Variants in PCSK6 observed in about 807,000 individuals in gnomAD.
PCSK6 encodes paired basic amino acid cleaving enzyme 4.
Under a neutral mutation model 123.3 loss-of-function variants are expected in PCSK6, and 85 were observed. The ratio of observed to expected loss-of-function variants is 0.69; its 90% confidence interval spans 0.58 to 0.83. The LOEUF is 0.83. Among genes scored for constraint, PCSK6 ranks in the 40% least tolerant of loss-of-function variants. The pLI is 0.00. For missense variants in PCSK6, 1,191 were observed against 1,282.3 expected, an observed-to-expected ratio of 0.93 and a Z score of 1.09; for synonymous variants, 508 against 516.0, an observed-to-expected ratio of 0.98 and a Z score of 0.21.
At chr15:101,464,701 C>T (rs1051459044) in intron 1 of PCSK6, among the ~76,000 whole-genome samples, 2 of 152,176 alleles carry the variant, frequency 1.3e-5, no homozygotes, top group Non-Finnish European at 2.9e-5. Context: ...TACTGCGTGA[C>T]ACCCTGTTAA....
At chr15:101,402,320 G>A (rs2141588038) in intron 6 of PCSK6, among the ~76,000 whole-genome samples, 1 of 148,320 alleles carries the variant, frequency 6.7e-6, no homozygotes, top group South Asian at 2.2e-4. Context: ...AAAAACCCTA[G>A]AAGAAAACCT....
intron 1 of PCSK6, among the ~76,000 whole-genome samples, chr15:101,470,993 G>A (rs1362497998): frequency 6.6e-6 from 1 of 152,170 alleles, no homozygotes; most frequent in Admixed American, 6.5e-5. Context: ...CTACCTTGCC[G>A]TGCCAGGGGT....
intron 13 of PCSK6, chr15:101,364,897 T>C: frequency 1.6e-6 from 1 of 635,094 alleles, no homozygotes. Context: ...ACTTTCTTAT[T>C]TCAAAACTTA....
intron 1 of PCSK6, among the ~76,000 whole-genome samples, chr15:101,477,514 C>T (rs549732331): frequency 1.1e-3 from 174 of 152,346 alleles, no homozygotes; most frequent in African/African-American, 3.9e-3. Flanking sequence ...CGCACACACT[C>T]AGACACAGAA....
rs2056441004 is a variant in PCSK6 at position 101,431,394 on chromosome 15, T to C, written c.583A>G (p.Thr195Ala). 1.2e-6 allele frequency: 2 copies of C among 1,613,878 alleles called. No homozygotes were observed. The highest frequency in any genetic ancestry group is 1.7e-5 in the Admixed American group (1 of 60,008). ...ATGGTGACCACCACGTTTTTTCCTG[T>C]GTAGCCCCTCTTCCACGCTGCCTGG... is the stretch of plus-strand genomic sequence containing the variant. Reference protein sequence around the residue: ...NVQAAWKRGYTGKNVVVTILD... With the variant: ...NVQAAWKRGYAGKNVVVTILD... Residue 195 changes from threonine to alanine, a missense_variant, in exon 4 of 22, where the codon ACA becomes GCA. Physicochemically the swap from Thr to Ala is moderately conservative, Grantham distance 58. Around this residue, in one of 3 missense-constraint regions of PCSK6, gnomAD observed 357 missense variants for 484.5 expected, o/e 0.74. Transcript: ENST00000611716.
chr15:101,314,551 A>G (rs2039944192), intron 19 of PCSK6, among the ~76,000 whole-genome samples: 1 of 152,184 alleles, frequency 6.6e-6, no homozygotes, highest in Non-Finnish European at 1.5e-5. Flanking sequence ...CGCTGCATCA[A>G]GGGAAAATCC....
chr15:101,378,921 G>A (rs374905827), intron 11 of PCSK6, among the ~76,000 whole-genome samples: 1 of 152,240 alleles, frequency 6.6e-6, no homozygotes, highest in African/African-American at 2.4e-5. Flanking sequence ...TGGCATCACC[G>A]CCCCAGCTCC....
In PCSK6 at chr15:101,389,548, C is replaced by T. The variant is rs766243272; in HGVS notation, c.1226G>A (p.Arg409His). Reference sequence around the variant, plus strand: ...AGTGTGGCCATCGGTACAGCGCTGACGCAGATCCGTGGTGACCTGGGGGAG... The same window carrying T: ...AGTGTGGCCATCGGTACAGCGCTGATGCAGATCCGTGGTGACCTGGGGGAG... The part of the protein sequence containing the change: ...YERKIVTTDL[R>H]QRCTDGHTGT... The change falls in exon 9 of 22, where the codon CGT becomes CAT. Residue 409 changes from arginine to histidine, a missense_variant. Arg to His is a conservative substitution (Grantham distance 29, BLOSUM62 0). Transcript: ENST00000611716. The T allele has an allele frequency of 4.9e-5, 79 of 1,612,564 alleles. No homozygotes were observed. Among genetic ancestry groups the T allele is most frequent in the Non-Finnish European group, 6.0e-5 (71 of 1,179,044 alleles).
At chr15:101,399,062 C>T (rs553533284) in intron 6 of PCSK6, among the ~76,000 whole-genome samples, 1 of 152,248 alleles carries the variant, frequency 6.6e-6, no homozygotes, top group South Asian at 2.1e-4. Context: ...ACCACCATGC[C>T]TGGCTAACTT....
At chr15:101,457,199 TA>T (rs2057209836) in intron 1 of PCSK6, among the ~76,000 whole-genome samples, 1 of 151,848 alleles carries the variant, frequency 6.6e-6, no homozygotes, top group Non-Finnish European at 1.5e-5. Context: ...TAAAAATAAA[TA>T]AATAAATAAA....
intron 3 of PCSK6, 26 bp from the exon 4 acceptor site, chr15:101,431,489 C>T (rs772485201): frequency 3.7e-6 from 6 of 1,612,848 alleles, no homozygotes; most frequent in Non-Finnish European, 4.2e-6. Context: ...ACACAAAGTC[C>T]CCCCGACATG....
chr15:101,340,434 A>G (rs562576500), intron 13 of PCSK6, among the ~76,000 whole-genome samples: 21 of 152,294 alleles, frequency 1.4e-4, no homozygotes, highest in South Asian at 4.1e-4. Context: ...TCTTAATGGC[A>G]TCTATAAGGT....
At chr15:101,489,157 A>G in intron 1 of PCSK6, among the ~76,000 whole-genome samples, 1 of 103,644 alleles carries the variant, frequency 9.6e-6, no homozygotes, top group Admixed American at 8.9e-5. Flanking sequence ...GCGGGACCCC[A>G]GTCCCCCCCA....
Position 101,431,437 on chromosome 15 carries a change from G to C in PCSK6, c.540C>G (p.Cys180Trp), listed in dbSNP as rs760028489. 6.2e-7 allele frequency: 1 copy of C among 1,613,590 alleles called. No homozygotes were observed. Among genetic ancestry groups the C allele is most frequent in the African/African-American group, 1.3e-5 (1 of 74,870 alleles). Residue 180 changes from cysteine to tryptophan, a missense_variant, in exon 4 of 22, where the codon TGC becomes TGG. By Grantham distance (215) the Cys-to-Trp change is radical (BLOSUM62 -2). Transcript: ENST00000611716. Reference sequence around the variant, plus strand: ...CTGCCTGGACATTCATTTCCGACCGGCAGCGACTGTTCTTGTCGCCACAAT... The same window carrying C: ...CTGCCTGGACATTCATTTCCGACCGCCAGCGACTGTTCTTGTCGCCACAAT... ...YLHCGDKNSRCRSEMNVQAAW... is the reference protein window; with the variant it reads ...YLHCGDKNSRWRSEMNVQAAW...
intron 13 of PCSK6, chr15:101,364,745 T>C: frequency 2.2e-6 from 1 of 445,576 alleles, no homozygotes; most frequent in Non-Finnish European, 4.0e-6. Flanking sequence ...CAAAATGATC[T>C]ACATATCCAA....
At position 101,475,168 on chromosome 15, in the gene PCSK6, G is replaced by A. The variant is rs529157599; in HGVS notation, c.297+14206C>T. Among the ~76,000 whole-genome samples the A allele has an allele frequency of 2.5e-4, 38 of 152,232 alleles. 1 individual carries two copies. Among genetic ancestry groups the A allele is most frequent in the African/African-American group, 7.5e-4 (31 of 41,528 alleles). Reference sequence around the variant, plus strand: ...CTATATTCCGTTCACTACTCCTCTCGCAAGAGTTACGTGCTGTCTATTTTA... The same window carrying A: ...CTATATTCCGTTCACTACTCCTCTCACAAGAGTTACGTGCTGTCTATTTTA... On this transcript the variant is annotated intron_variant, in intron 1 of 21. Coordinates refer to ENST00000611716, the MANE Select transcript of PCSK6 (RefSeq NM_002570.5).
rs746004986 is a variant in PCSK6 at position 101,347,713 on chromosome 15, T to C, written c.1859-15682A>G. On this transcript the variant is annotated intron_variant, in intron 13 of 21. Coordinates refer to ENST00000611716, the MANE Select transcript of PCSK6 (RefSeq NM_002570.5). The stretch of plus-strand genomic sequence containing the variant: ...TTGGTCATCTGTCCCTCTGCAGTAT[T>C]TCACAGAGATTACCAAAGCTCTTGT... 3.1e-6 allele frequency: 5 copies of C among 1,613,656 alleles called. No homozygotes were observed. In the East Asian group the frequency reaches 1.1e-4, roughly 36 times the overall value.
chr15:101,345,304 T>C (rs1219626015), intron 13 of PCSK6, among the ~76,000 whole-genome samples: 2 of 152,256 alleles, frequency 1.3e-5, no homozygotes, highest in African/African-American at 4.8e-5. Flanking sequence ...TTTTAACATT[T>C]TGATCTTGAC....
rs571039618 is a variant in PCSK6, at chr15:101,310,913, C to T, written c.2699+2463G>A. ...TCCCTCATTTTCAGTCTTTTTCAGA[C>T]GGAAGCCCCCCGATATGGTTTGAAC... On this transcript the variant is annotated intron_variant, in intron 20 of 21. Coordinates refer to ENST00000611716, the MANE Select transcript of PCSK6 (RefSeq NM_002570.5). Among the ~76,000 whole-genome samples, 20 of 152,248 alleles carry T rather than the reference C, an allele frequency of 1.3e-4. No individual in the cohort carries two copies. In the South Asian group the frequency reaches 1.7e-3, roughly 13 times the overall value.
Sources: gnomAD v4.1 joint callset for allele counts (sites outside exome capture counted in the v4.1 genomes callset) on GRCh38, gnomAD v4.1.1 for gene constraint, gnomAD v4.1.1 regional missense constraint, MANE v1.5 for transcripts, NCBI Gene and HGNC (gene_info 2026-07-23, HGNC 2026-07-21) for gene names.